The following KIAA0825 variants were observed in gnomAD, a reference collection of about 807,000 sequenced individuals.
KIAA0825 encodes the protein uncharacterized protein KIAA0825.
In KIAA0825, 119 loss-of-function variants were observed where a neutral mutation model predicts 147.6. The observed-to-expected ratio is 0.81, with a 90% CI of 0.69 to 0.94. The LOEUF (loss-of-function observed/expected upper bound fraction) is 0.94, where lower values mean the gene tolerates loss of function less well. KIAA0825 is among the 40% of genes least tolerant of loss of function. The pLI, the probability that KIAA0825 is intolerant of heterozygous loss-of-function variation, is 0.00. For synonymous variants in KIAA0825, 470 were observed against 518.1 expected (o/e 0.91, Z 1.26); for missense variants, 1,381 against 1,472.7 (o/e 0.94, Z 1.02).
rs1457439506 is a variant in KIAA0825 at position 94,386,369 on chromosome 5, A to T, written c.3492T>A (p.Ser1164Arg). ...GGATGGGTAATGGCTTTTCCTCTGA[A>T]CTATTCATAGAAAACAGCTGTTCTT... Reference protein sequence around the residue: ...YLKEQLFSMNSSEEKPLPIRP... With the variant: ...YLKEQLFSMNRSEEKPLPIRP... Residue 1164 changes from serine to arginine, a missense_variant, in exon 19 of 21, where the codon AGT (serine) becomes AGA (arginine). Transcript: ENST00000682413. 10 of 1,551,180 alleles carry T rather than the reference A, an allele frequency of 6.4e-6. No homozygotes were observed. Among genetic ancestry groups the T allele is most frequent in the Non-Finnish European group, 8.7e-6 (10 of 1,146,698 alleles).
At chr5:94,490,172 G>A (rs1475226716) in intron 5 of KIAA0825, among the ~76,000 whole-genome samples, 4 of 151,968 alleles carry the variant, frequency 2.6e-5, no homozygotes, top group African/African-American at 9.7e-5. Context: ...TGAGGCCAAA[G>A]ACTATATCCA....
chr5:94,342,151 G>A (rs985905538), intron 20 of KIAA0825, among the ~76,000 whole-genome samples: 5 of 151,096 alleles, frequency 3.3e-5, no homozygotes, highest in Admixed American at 6.6e-5. Flanking sequence ...TGCCGAGACC[G>A]CACCACTGCA....
At chr5:94,165,498 A>C (rs1274897856) in intron 20 of KIAA0825, among the ~76,000 whole-genome samples, 1 of 152,162 alleles carries the variant, frequency 6.6e-6, no homozygotes, top group Non-Finnish European at 1.5e-5. Flanking sequence ...CAGCAATCCC[A>C]CTGCTGGGTA....
intron 17 of KIAA0825, 89 bp downstream of exon 17, chr5:94,396,012 C>A: frequency 8.4e-7 from 1 of 1,194,334 alleles, no homozygotes; most frequent in Non-Finnish European, 1.1e-6. Flanking sequence ...ACTACTGCTG[C>A]CCATCTGACA....
chr5:94,289,080 T>C (rs1354807254), intron 20 of KIAA0825, among the ~76,000 whole-genome samples: 1 of 152,186 alleles, frequency 6.6e-6, no homozygotes, highest in Non-Finnish European at 1.5e-5. Flanking sequence ...TGCAGTACCC[T>C]TTTGTGTAAC....
chr5:94,410,146 T>A, intron 15 of KIAA0825, among the ~76,000 whole-genome samples: 1 of 148,062 alleles, frequency 6.8e-6, no homozygotes. Context: ...AAGTTAAGGA[T>A]ACCTGTAATA....
chr5:94,242,847 C>T (rs1775420465), intron 20 of KIAA0825, among the ~76,000 whole-genome samples: 1 of 152,138 alleles, frequency 6.6e-6, no homozygotes, highest in African/African-American at 2.4e-5. Flanking sequence ...TCTCAAACTC[C>T]TGACCTCAAG....
rs182548338 is a variant in KIAA0825, at chr5:94,405,098, A to C, written c.2663-1305T>G. ...TAGAAAGGGGCTCAGTGAGGGTCCT[A>C]AATTGAGAATGTGCTTTAGGCTATG... On this transcript the variant is annotated intron_variant, in intron 15 of 20. Transcript: ENST00000682413. Among the ~76,000 whole-genome samples, 91 of 152,328 alleles carry C rather than the reference A, an allele frequency of 6.0e-4. 1 individual carries two copies. In the Middle Eastern group the frequency reaches 0.014, roughly 23 times the overall value.
Position 94,422,645 on chromosome 5 carries a change from G to A in KIAA0825, c.2498-5280C>T, listed in dbSNP as rs527534996. 5.6e-4 allele frequency among the ~76,000 whole-genome samples: 85 copies of A among 151,878 alleles called. 1 individual carries two copies. The highest frequency in any genetic ancestry group is 9.3e-4 in the Non-Finnish European group (63 of 67,976). On this transcript the variant is annotated intron_variant, in intron 14 of 20. Transcript: ENST00000682413. ...TCCACAAAATAAAGGTCTAACTCCCGTTTTTCTTTCCCTCTGCCTTCTGGA... is the reference window on the plus strand; with the variant it reads ...TCCACAAAATAAAGGTCTAACTCCCATTTTTCTTTCCCTCTGCCTTCTGGA...
chr5:94,581,496 C>T (rs1318212053), intron 2 of KIAA0825, among the ~76,000 whole-genome samples: 1 of 152,032 alleles, frequency 6.6e-6, no homozygotes, highest in Non-Finnish European at 1.5e-5. Context: ...GTGACACCAA[C>T]CAAAACAACA....
Position 94,520,309 on chromosome 5 carries a change from A to G in KIAA0825, c.909T>C (p.Ala303=). The change falls in exon 5 of 21, where the codon GCT becomes GCC. Residue 303 remains alanine (A), a synonymous_variant. Transcript: ENST00000682413. ...TCTTGCTTGTTTTAACCACACGAAC[A>G]GCATTTTCTCTGAACTGCAGCTCAC... ...NFCELQFREN[A]VRVVKTSKSS... is the part of the protein sequence containing the mutation. 2 of 1,613,510 alleles carry G rather than the reference A, an allele frequency of 1.2e-6. No homozygotes were observed. Among genetic ancestry groups the G allele is most frequent in the South Asian group, 2.2e-5 (2 of 91,052 alleles).
At chr5:94,351,998 CT>C (rs1783726870) in intron 20 of KIAA0825, among the ~76,000 whole-genome samples, 1 of 152,164 alleles carries the variant, frequency 6.6e-6, no homozygotes, top group African/African-American at 2.4e-5. Context: ...GGAAAAAACC[CT>C]TCTGGACACT....
At chr5:94,594,747 A>G in intron 1 of KIAA0825, 3 of 623,948 alleles carry the variant, frequency 4.8e-6, no homozygotes, top group South Asian at 4.3e-5. Flanking sequence ...GGATGCTTGG[A>G]TGGACTACCT....
chr5:94,498,500 C>T (rs574356329), intron 5 of KIAA0825, among the ~76,000 whole-genome samples: 2 of 152,316 alleles, frequency 1.3e-5, no homozygotes, highest in South Asian at 4.1e-4. Flanking sequence ...GCTCAGGTCT[C>T]CAGAATCCTC....
intron 13 of KIAA0825, among the ~76,000 whole-genome samples, chr5:94,449,460 G>C (rs151211324): frequency 6.6e-6 from 1 of 152,274 alleles, no homozygotes; most frequent in East Asian, 1.9e-4. Context: ...AATAAACTAG[G>C]ACTAGAGGAA....
intron 8 of KIAA0825, among the ~76,000 whole-genome samples, chr5:94,472,539 T>C (rs185950996): frequency 3.3e-5 from 5 of 152,110 alleles, no homozygotes; most frequent in Admixed American, 6.5e-5. Context: ...AGGTCGGAGA[T>C]TGAGACCATC....
chr5:94,282,504 T>G (rs552936379), intron 20 of KIAA0825, among the ~76,000 whole-genome samples: 1 of 152,212 alleles, frequency 6.6e-6, no homozygotes, highest in East Asian at 1.9e-4. Context: ...TATGAATATA[T>G]GTGAATTTAA....
intron 14 of KIAA0825, among the ~76,000 whole-genome samples, chr5:94,418,371 A>C (rs1308807460): frequency 6.6e-6 from 1 of 152,092 alleles, no homozygotes; most frequent in Non-Finnish European, 1.5e-5. Context: ...TTTGCTTCCT[A>C]ATACCCATTT....
At chr5:94,400,799 A>G (rs1751274230) in intron 16 of KIAA0825, among the ~76,000 whole-genome samples, 1 of 152,138 alleles carries the variant, frequency 6.6e-6, no homozygotes, top group Admixed American at 6.6e-5. Flanking sequence ...TGTAATCTTT[A>G]TTGTAATATT....
Sources: allele counts gnomAD v4.1 joint callset (sites outside exome capture counted in the v4.1 genomes callset), GRCh38; gene constraint gnomAD v4.1.1; transcripts MANE v1.5; gene names NCBI Gene and HGNC (gene_info 2026-07-23, HGNC 2026-07-21).